ACO2: variants seen among roughly 807,000 people sequenced by gnomAD.
The protein encoded by ACO2 is aconitate hydratase, mitochondrial.
In ACO2, 31 loss-of-function variants were observed where a neutral mutation model predicts 84.5. That is an observed-to-expected ratio of 0.37 (90% CI 0.28 to 0.50). The LOEUF (loss-of-function observed/expected upper bound fraction) is 0.50. Among genes scored for constraint, ACO2 ranks in the 20% least tolerant of loss-of-function variants. ACO2 has a pLI of 0.97. For missense variants in ACO2, 685 were observed against 1,029.3 expected, an observed-to-expected ratio of 0.67 and a Z score of 4.58; for synonymous variants, 414 against 412.7, an observed-to-expected ratio of 1.00 and a Z score of -0.04.
intron 12 of ACO2, 86 bp from the exon 13 acceptor site, chr22:41,524,760 C>T (rs2066563855): frequency 6.3e-7 from 1 of 1,586,518 alleles, no homozygotes; most frequent in South Asian, 1.1e-5. Context: ...GGGTTCCTTT[C>T]TCAGTTTTGG....
Position 41,525,206 on chromosome 22 carries a change from G to A in ACO2, c.1619G>A (p.Gly540Glu). 1 of 1,614,076 alleles carries A rather than the reference G, an allele frequency of 6.2e-7. No homozygotes were observed. The highest frequency in any genetic ancestry group is 2.2e-5 in the East Asian group (1 of 44,880). Residue 540 changes from glycine (G) to glutamate (E), a missense_variant, in exon 14 of 18, where the codon GGG (glycine) becomes GAG (glutamate). This residue lies in a region of ACO2 where 311 missense variants were observed against 441.6 expected (regional missense o/e 0.70). Transcript: ENST00000216254. ...TCCCTGCTGCAGGAGTTTGACCCAG[G>A]GCAGGACACCTACCAGCACCCACCC... The part of the protein sequence containing the change: ...DELPKGEFDP[G>E]QDTYQHPPKD...
At position 41,515,259 on chromosome 22, in the gene ACO2, A is replaced by T; in HGVS notation, c.526-118A>T. On this transcript the variant is annotated intron_variant, in intron 4 of 17. Transcript: ENST00000216254. The surrounding 1 kb of genome is among the most constrained non-coding windows in gnomAD (Gnocchi z 5.8). Reference sequence around the variant, plus strand: ...GCCTGGATTAAATGGGGCTGCTCCTACCAGTTCCATCCTGGGAGAGTGGCT... The same window carrying T: ...GCCTGGATTAAATGGGGCTGCTCCTTCCAGTTCCATCCTGGGAGAGTGGCT... The T allele has an allele frequency of 8.0e-7, 1 of 1,247,114 alleles. No homozygotes were observed. The highest frequency in any genetic ancestry group is 1.2e-6 in the Non-Finnish European group (1 of 860,812). 77.3% of individuals were successfully genotyped at this position (1,247,114 alleles called of 1,614,324 possible).
intron 7 of ACO2, 76 bp downstream of exon 7, chr22:41,517,707 T>A: frequency 7.5e-7 from 1 of 1,329,354 alleles, no homozygotes; most frequent in Non-Finnish European, 1.1e-6. Context: ...GCTATGCCTT[T>A]CCCTGTAGGG....
intron 2 of ACO2, among the ~76,000 whole-genome samples, chr22:41,504,883 C>G (rs2066381759): frequency 6.6e-6 from 1 of 151,834 alleles, no homozygotes; most frequent in African/African-American, 2.4e-5. Flanking sequence ...GCCACCATGC[C>G]TGGCTTCTTT....
chr22:41,483,777 G>T (rs1464073626), intron 1 of ACO2, among the ~76,000 whole-genome samples: 3 of 152,188 alleles, frequency 2.0e-5, no homozygotes, highest in African/African-American at 7.2e-5. Flanking sequence ...GGAGGCTGCA[G>T]TGGGAGGATG....
rs2066539193 is a variant in ACO2 at position 41,523,000 on chromosome 22, A to C, written c.1296+13A>C. The stretch of plus-strand genomic sequence containing the variant: ...GCGGGACGGCTATGTGAGTGCCCAT[A>C]TCCCCCTGCCCATCTCCCCCACCCC... On this transcript the variant is annotated intron_variant, in intron 10 of 17. Transcript: ENST00000216254. 6.2e-7 allele frequency: 1 copy of C among 1,613,578 alleles called. No homozygotes were observed. The highest frequency in any genetic ancestry group is 1.7e-5 in the Admixed American group (1 of 59,972).
intron 14 of ACO2, chr22:41,525,734 G>A (rs2066579878): frequency 1.2e-5 from 3 of 247,496 alleles, no homozygotes; most frequent in Admixed American, 5.0e-5. Flanking sequence ...GACAACTCCT[G>A]CCCCCACAGT....
At chr22:41,507,625 G>A (rs2066403154) in intron 2 of ACO2, among the ~76,000 whole-genome samples, 166 bp from the exon 3 acceptor site, 2 of 152,166 alleles carry the variant, frequency 1.3e-5, no homozygotes, top group South Asian at 4.1e-4. Context: ...GTGGTGCAGT[G>A]AACAGGACCC....
intron 16 of ACO2, chr22:41,527,688 G>A (rs1601937742): frequency 3.7e-6 from 3 of 806,800 alleles, no homozygotes; most frequent in East Asian, 5.3e-5. Flanking sequence ...TCATGAATGT[G>A]CAGCAGGAAG....
Position 41,521,172 on chromosome 22 carries a change from G to A in ACO2, c.1138+896G>A, listed in dbSNP as rs544693501. On this transcript the variant is annotated intron_variant, in intron 9 of 17. Transcript: ENST00000216254. Reference sequence around the variant, plus strand: ...ACTCCTAATCTCAACCCCCAGCCAGGAGCAAGCTCTTAGAGCTCTTGGAGA... The same window carrying A: ...ACTCCTAATCTCAACCCCCAGCCAGAAGCAAGCTCTTAGAGCTCTTGGAGA... The A allele has an allele frequency of 3.9e-5, 6 of 152,292 alleles. No homozygotes were observed. The East Asian group carries it at 7.7e-4, about 20-fold the overall frequency. 9.4% of individuals were successfully genotyped at this position (152,292 alleles called of 1,614,324 possible).
intron 15 of ACO2, 131 bp from the exon 16 acceptor site, chr22:41,527,156 GC>G (rs2066617191): frequency 7.3e-7 from 1 of 1,373,410 alleles, no homozygotes; most frequent in Non-Finnish European, 1.0e-6. Context: ...GCGAGGAAGG[GC>G]CCCTCCAGCC....
chr22:41,528,695 G>C lies in ACO2; in HGVS notation c.*82G>C, dbSNP rs2066658183. On this transcript the variant is annotated 3_prime_UTR_variant, in exon 18 of 18. Transcript: ENST00000216254. ...AGTGGATCCGATCCGTCCAGCCATG[G>C]CTTCCTATTCCAAGATGGTGTGACC... 6.5e-7 allele frequency: 1 copy of C among 1,539,156 alleles called. No individual in the cohort carries two copies. The highest frequency in any genetic ancestry group is 8.7e-7 in the Non-Finnish European group (1 of 1,144,258).
At chr22:41,508,542 G>T (rs2066411092) in intron 3 of ACO2, among the ~76,000 whole-genome samples, 1 of 152,250 alleles carries the variant, frequency 6.6e-6, no homozygotes, top group South Asian at 2.1e-4. Context: ...CTACATGAGG[G>T]CACGATTAGG....
intron 14 of ACO2, 111 bp downstream of exon 14, chr22:41,525,459 T>C: frequency 7.3e-7 from 1 of 1,371,170 alleles, no homozygotes; most frequent in Non-Finnish European, 1.0e-6. Flanking sequence ...AAGACGCAGG[T>C]GGGAGATGGA....
intron 2 of ACO2, among the ~76,000 whole-genome samples, chr22:41,505,137 G>A (rs1448319255): frequency 6.6e-6 from 1 of 152,060 alleles, no homozygotes; most frequent in African/African-American, 2.4e-5. Flanking sequence ...TGATAACTGA[G>A]AAAGGATGAG....
chr22:41,525,272 G>T lies in ACO2; in HGVS notation c.1685G>T (p.Ser562Ile). The change falls in exon 14 of 18, where the codon AGC becomes ATC. Residue 562 changes from serine (S) to isoleucine (I), a missense_variant. Ser to Ile is a moderately radical substitution (Grantham distance 142). Transcript: ENST00000216254. ...CAGCATGTGGACGTGAGCCCCACCA[G>T]CCAGCGCCTGCAGCTCCTGGAGCCT... ...SGQHVDVSPT[S>I]QRLQLLEPFD... is the part of the protein sequence containing the mutation. 1 of 1,614,070 alleles carries T rather than the reference G, an allele frequency of 6.2e-7. No individual in the cohort carries two copies. Among genetic ancestry groups the T allele is most frequent in the Non-Finnish European group, 8.5e-7 (1 of 1,179,992 alleles).
intron 16 of ACO2, 134 bp downstream of exon 16, chr22:41,527,554 C>A: frequency 7.9e-7 from 1 of 1,269,328 alleles, no homozygotes; most frequent in East Asian, 2.4e-5. Flanking sequence ...AGCCTCTTGC[C>A]CCTTCTTAGG....
intron 7 of ACO2, among the ~76,000 whole-genome samples, chr22:41,518,248 C>G (rs964186593): frequency 6.6e-6 from 1 of 152,220 alleles, no homozygotes; most frequent in Non-Finnish European, 1.5e-5. Context: ...GGACACCCTC[C>G]CCGGCTCTGA....
chr22:41,527,237 G>C, intron 15 of ACO2, 51 bp from the exon 16 acceptor site: 4 of 1,612,532 alleles, frequency 2.5e-6, no homozygotes, highest in Non-Finnish European at 3.4e-6. Context: ...CCAGACAGGT[G>C]AGGACGGTGC....
Sources: allele counts gnomAD v4.1 joint callset (sites outside exome capture counted in the v4.1 genomes callset), GRCh38; gene constraint gnomAD v4.1.1; regional missense constraint gnomAD v4.1.1; non-coding constraint Gnocchi (gnomAD v3.1); transcripts MANE v1.5; gene names NCBI Gene and HGNC (gene_info 2026-07-23, HGNC 2026-07-21).